The following TINAG variants were observed in gnomAD, a reference collection of about 807,000 sequenced individuals.
The protein encoded by TINAG is tubulointerstitial nephritis antigen.
Under a neutral mutation model 72.7 loss-of-function variants are expected in TINAG, and 83 were observed. The observed-to-expected ratio is 1.14, with a 90% CI of 0.96 to 1.37. TINAG has a LOEUF of 1.37. Among genes scored for constraint, TINAG ranks in the 40% most tolerant of loss-of-function variants. The pLI, the probability that TINAG is intolerant of heterozygous loss-of-function variation, is 0.00. For synonymous variants in TINAG, 234 were observed against 189.9 expected (o/e 1.23, Z -1.91); for missense variants, 685 against 576.6 (o/e 1.19, Z -1.93).
chr6:54,389,234 C>G (rs1158939569), intron 10 of TINAG, among the ~76,000 whole-genome samples: 1 of 152,114 alleles, frequency 6.6e-6, no homozygotes, highest in Non-Finnish European at 1.5e-5. Flanking sequence ...CCTCCTTTTA[C>G]ATTGGTGAAT....
intron 1 of TINAG, 51 bp downstream of exon 1, chr6:54,308,956 T>G: frequency 1.4e-6 from 2 of 1,407,590 alleles, no homozygotes; most frequent in Non-Finnish European, 1.9e-6. Context: ...AACAACAAGA[T>G]CTGACAAACG....
intron 1 of TINAG, among the ~76,000 whole-genome samples, chr6:54,315,914 T>C (rs944513655): frequency 2.0e-5 from 3 of 152,134 alleles, no homozygotes; most frequent in African/African-American, 7.2e-5. Context: ...CGAAGAGGGT[T>C]ATTTACTTCT....
chr6:54,350,205 AC>A lies in TINAG; in HGVS notation c.1080+310del, dbSNP rs1387343187. 1.2e-4 allele frequency among the ~76,000 whole-genome samples: 15 copies of A among 128,296 alleles called. No individual in the cohort carries two copies. In the East Asian group the frequency reaches 3.1e-3, roughly 27 times the overall value. The allele number at this position is 128,296 out of a possible 152,430, so 84.2% of individuals were successfully genotyped here. A position where few individuals can be genotyped will look rare whatever the true frequency, so the allele number is the denominator to read the frequency against. ...TTGACAATTAAAAGTTAAGTTAAAC[AC>A]TTTTTCACTGACTTTTTTGTGGTAT... is the stretch of plus-strand genomic sequence containing the variant. On this transcript the variant is annotated intron_variant, in intron 7 of 10. Coordinates refer to ENST00000259782, the MANE Select transcript of TINAG (RefSeq NM_014464.4).
At chr6:54,330,704 G>T (rs750142534) in intron 4 of TINAG, among the ~76,000 whole-genome samples, 24 of 152,122 alleles carry the variant, frequency 1.6e-4, no homozygotes, top group African/African-American at 5.5e-4. Context: ...CAGATAGACC[G>T]CTAGCCAGAT....
At chr6:54,341,678 A>AT (rs1020837656) in intron 4 of TINAG, among the ~76,000 whole-genome samples, 81 of 151,490 alleles carry the variant, frequency 5.3e-4, no homozygotes, top group South Asian at 2.9e-3. Flanking sequence ...ATCAGAAGTA[A>AT]TTTTTTTTTG....
At chr6:54,310,083 G>GTGTGTGTA (rs1784205194) in intron 1 of TINAG, among the ~76,000 whole-genome samples, 1 of 144,322 alleles carries the variant, frequency 6.9e-6, no homozygotes, top group South Asian at 2.2e-4. Context: ...TTCCGTGTGT[G>GTGTGTGTA]TGTGTGTGTG....
chr6:54,373,699 A>G (rs918706826), intron 9 of TINAG, among the ~76,000 whole-genome samples: 1 of 152,056 alleles, frequency 6.6e-6, no homozygotes, highest in South Asian at 2.1e-4. Context: ...ATTCCATAAA[A>G]TTTTATTAAC....
In TINAG at chr6:54,321,091, T is replaced by G. The variant is rs540933557; in HGVS notation, c.420-206T>G. Among the ~76,000 whole-genome samples the G allele has an allele frequency of 2.0e-4, 31 of 152,332 alleles. No individual in the cohort carries two copies. In the South Asian group the frequency reaches 6.4e-3, roughly 32 times the overall value. ...GCAGATGTGTGATCATATCATTTGT[T>G]AATTGCCTGGAGTAGAGGATTACAG... On this transcript the variant is annotated intron_variant, in intron 2 of 10. Transcript: ENST00000259782.
rs1339121651 is a variant in TINAG, at chr6:54,312,709, T to C, written c.355+3804T>C. ...AAATAGCATTAATATGAATCAGAAATATTTAAAAACCAGGATTTTTTATTT... is the reference window on the plus strand; with the variant it reads ...AAATAGCATTAATATGAATCAGAAACATTTAAAAACCAGGATTTTTTATTT... On this transcript the variant is annotated intron_variant, in intron 1 of 10. Transcript: ENST00000259782. Among the ~76,000 whole-genome samples, 3 of 152,110 alleles carry C rather than the reference T, an allele frequency of 2.0e-5. No homozygotes were observed. In the East Asian group the frequency reaches 5.8e-4, roughly 29 times the overall value.
intron 9 of TINAG, among the ~76,000 whole-genome samples, chr6:54,359,259 T>G (rs978194481): frequency 5.9e-5 from 9 of 151,838 alleles, no homozygotes; most frequent in Non-Finnish European, 1.2e-4. Flanking sequence ...CCATTTCCAG[T>G]AAGTTCAAAA....
chr6:54,310,696 TTC>T (rs1466786635), intron 1 of TINAG, among the ~76,000 whole-genome samples: 72 of 126,030 alleles, frequency 5.7e-4, no homozygotes, highest in Admixed American at 8.1e-4. Context: ...TTCTTCTTTT[TTC>T]TCTCTCTCTT....
intron 4 of TINAG, among the ~76,000 whole-genome samples, chr6:54,329,586 A>G (rs775907521): frequency 3.3e-5 from 5 of 152,208 alleles, no homozygotes; most frequent in Non-Finnish European, 5.9e-5. Context: ...AATAACAGCT[A>G]GCATAATAAT....
chr6:54,384,728 A>G (rs892759764), intron 10 of TINAG, among the ~76,000 whole-genome samples: 1 of 152,200 alleles, frequency 6.6e-6, no homozygotes, highest in African/African-American at 2.4e-5. Flanking sequence ...ACCAAAAGTT[A>G]CAGAAAAAAA....
intron 10 of TINAG, among the ~76,000 whole-genome samples, chr6:54,384,819 A>G (rs1188803854): frequency 2.0e-5 from 3 of 152,216 alleles, no homozygotes; most frequent in Non-Finnish European, 2.9e-5. Flanking sequence ...GATTGAAAAA[A>G]ACTATTAGCC....
In TINAG at chr6:54,308,882, A is replaced by T; in HGVS notation, c.332A>T (p.His111Leu). Reference protein sequence around the residue: ...FCREEKEWPPHTQPWYPEGCF... With the variant: ...FCREEKEWPPLTQPWYPEGCF... ...CGTGAAGAGAAAGAATGGCCTCCTC[A>T]CACACAGCCTTGGTATCCAGAAGGT... is the stretch of plus-strand genomic sequence containing the variant. Residue 111 changes from histidine to leucine, a missense_variant, in exon 1 of 11, where the codon CAC becomes CTC. Physicochemically the swap from His to Leu is moderately conservative, Grantham distance 99. Coordinates refer to ENST00000259782, the MANE Select transcript of TINAG (RefSeq NM_014464.4). 1 of 1,612,094 alleles carries T rather than the reference A, an allele frequency of 6.2e-7. No homozygotes were observed. The highest frequency in any genetic ancestry group is 8.5e-7 in the Non-Finnish European group (1 of 1,179,238).
In TINAG at chr6:54,389,864, C is replaced by T; in HGVS notation, c.1370C>T (p.Ser457Phe). The T allele has an allele frequency of 6.2e-7, 1 of 1,610,424 alleles. No homozygotes were observed. Among genetic ancestry groups the T allele is most frequent in the African/African-American group, 1.3e-5 (1 of 74,772 alleles). ...AGGATTCTTCGAGGAGTAAATGAGT[C>T]CGACATTGAAAAGTTGATTATCGCA... The part of the protein sequence containing the change: ...YFRILRGVNE[S>F]DIEKLIIAAW... The change falls in exon 11 of 11, where the codon TCC becomes TTC. Residue 457 changes from serine (S) to phenylalanine (F), a missense_variant. Transcript: ENST00000259782.
At position 54,349,827 on chromosome 6, in the gene TINAG, A is replaced by G. The variant is rs1562166613; in HGVS notation, c.1011A>G (p.Pro337=). The change falls in exon 7 of 11, where the codon CCA becomes CCG. Residue 337 remains proline (P), a synonymous_variant. Transcript: ENST00000259782. ...DGRGKRHATK[P]CPNNVEKSNR... ...GAGGAAAACGGCATGCCACGAAGCC[A>G]TGTCCCAACAACGTAGAAAAATCTA... The G allele has an allele frequency of 6.2e-7, 1 of 1,610,878 alleles. No homozygotes were observed. Among genetic ancestry groups the G allele is most frequent in the Non-Finnish European group, 8.5e-7 (1 of 1,177,966 alleles).
intron 4 of TINAG, among the ~76,000 whole-genome samples, chr6:54,328,893 A>T (rs1784671634): frequency 6.6e-6 from 1 of 152,002 alleles, no homozygotes; most frequent in African/African-American, 2.4e-5. Context: ...GATCAACTTA[A>T]TGAAATAAAG....
At chr6:54,327,197 C>T in intron 4 of TINAG, 1 of 1,534,396 alleles carries the variant, frequency 6.5e-7, no homozygotes, top group Non-Finnish European at 8.8e-7. Flanking sequence ...GTTGGCAGCT[C>T]CCAGCGAGAC....
Sources: gnomAD v4.1 joint callset for allele counts (sites outside exome capture counted in the v4.1 genomes callset) on GRCh38, gnomAD v4.1.1 for gene constraint, MANE v1.5 for transcripts, NCBI Gene and HGNC (gene_info 2026-07-23, HGNC 2026-07-21) for gene names.